The following ABCA9 variants were observed in gnomAD, a reference collection of about 807,000 sequenced individuals.
ABCA9 encodes ATP-binding cassette sub-family A member 9.
Under a neutral mutation model 205.3 loss-of-function variants are expected in ABCA9, and 183 were observed. That is an observed-to-expected ratio of 0.89 (90% CI 0.79 to 1.01). The LOEUF (loss-of-function observed/expected upper bound fraction) is 1.01. ABCA9 is among the 50% of genes least tolerant of loss of function. The pLI, the probability that ABCA9 is intolerant of heterozygous loss-of-function variation, is 0.00. For synonymous variants in ABCA9, 651 were observed against 683.3 expected (o/e 0.95, Z 0.74); for missense variants, 1,805 against 1,912.4 (o/e 0.94, Z 1.05).
intron 19 of ABCA9, among the ~76,000 whole-genome samples, chr17:69,019,577 A>G (rs899178109): frequency 6.6e-6 from 1 of 152,096 alleles, no homozygotes; most frequent in African/African-American, 2.4e-5. Context: ...GTTATTTACT[A>G]TATGTCTAAT....
At chr17:69,058,985 A>G (rs767449686) in intron 1 of ABCA9, among the ~76,000 whole-genome samples, 37 of 152,162 alleles carry the variant, frequency 2.4e-4, no homozygotes, top group Non-Finnish European at 4.3e-4. Context: ...GTGCCAGGCA[A>G]GAGAGCTTGG....
In ABCA9 at chr17:69,012,008, A is replaced by G; in HGVS notation, c.3115T>C (p.Tyr1039His). 1 of 1,613,026 alleles carries G rather than the reference A, an allele frequency of 6.2e-7. No individual in the cohort carries two copies. Among genetic ancestry groups the G allele is most frequent in the Non-Finnish European group, 8.5e-7 (1 of 1,179,450 alleles). ...WIPMAASFTP[Y>H]IAMSSIGDYK... The stretch of plus-strand genomic sequence containing the variant: ...TCACCAATGCTGCTCATTGCAATGT[A>G]TGGAGTGAAAGAGGCTGCCATCGGT... Residue 1039 changes from tyrosine (Y) to histidine (H), a missense_variant, in exon 23 of 39, where the codon TAC becomes CAC. Tyr to His is a moderately conservative substitution (Grantham distance 83, BLOSUM62 2). Transcript: ENST00000340001.
At chr17:69,024,458 A>G in intron 16 of ABCA9, 105 bp from the exon 17 acceptor site, 1 of 1,122,924 alleles carries the variant, frequency 8.9e-7, no homozygotes, top group Non-Finnish European at 1.2e-6. Flanking sequence ...TTTATGAGAC[A>G]AAAAAATGTG....
At chr17:69,041,675 G>A (rs1231493743) in intron 6 of ABCA9, among the ~76,000 whole-genome samples, 1 of 151,006 alleles carries the variant, frequency 6.6e-6, no homozygotes, top group African/African-American at 2.4e-5. Flanking sequence ...CTGCACTCCA[G>A]CCTGGGTGAC....
At chr17:68,987,712 G>A (rs1405771819) in intron 31 of ABCA9, among the ~76,000 whole-genome samples, 1 of 152,028 alleles carries the variant, frequency 6.6e-6, no homozygotes, top group Admixed American at 6.5e-5. Context: ...GTTGTACATG[G>A]GAGATTGACA....
upstream of ABCA9, chr17:69,061,036 A>G (rs796446070): frequency 4.1e-6 from 4 of 985,432 alleles, no homozygotes; most frequent in African/African-American, 5.2e-5. Context: ...ATCTGGTCTC[A>G]GTTCAGCTAG....
chr17:69,015,332 A>G (rs1355480990), intron 22 of ABCA9, among the ~76,000 whole-genome samples: 2 of 152,166 alleles, frequency 1.3e-5, no homozygotes, highest in Non-Finnish European at 2.9e-5. Flanking sequence ...AAGAAGCTAT[A>G]GAATATGGCC....
chr17:69,044,568 A>C lies in ABCA9; in HGVS notation c.502T>G (p.Cys168Gly). Reference protein sequence around the residue: ...HCQAVNEKMKCEGSEFWEKGF... With the variant: ...HCQAVNEKMKGEGSEFWEKGF... ...TTCTCCCAGAACTCTGAACCTTCACACTTCATTTTTTCATTCACTGCTTGA... is the reference window on the plus strand; with the variant it reads ...TTCTCCCAGAACTCTGAACCTTCACCCTTCATTTTTTCATTCACTGCTTGA... The change falls in exon 5 of 39, where the codon TGT becomes GGT. Residue 168 changes from cysteine to glycine, a missense_variant. Physicochemically the swap from Cys to Gly is radical, Grantham distance 159. Coordinates refer to ENST00000340001, the MANE Select transcript of ABCA9 (RefSeq NM_080283.4). The C allele has an allele frequency of 6.2e-7, 1 of 1,613,198 alleles. No homozygotes were observed. Among genetic ancestry groups the C allele is most frequent in the Non-Finnish European group, 8.5e-7 (1 of 1,179,544 alleles).
rs746905261 is a variant in ABCA9, at chr17:69,011,958, G to T, written c.3147+18C>A. The T allele has an allele frequency of 1.3e-6, 2 of 1,565,628 alleles. No homozygotes were observed. The highest frequency in any genetic ancestry group is 1.2e-5 in the South Asian group (1 of 86,842). On this transcript the variant is annotated intron_variant, in intron 23 of 38. Coordinates refer to ENST00000340001, the MANE Select transcript of ABCA9 (RefSeq NM_080283.4). Reference sequence around the variant, plus strand: ...TCTCTAGATATAAAAAACATGTGAAGACTTTAACTCTTCTTACTTTGTAGT... The same window carrying T: ...TCTCTAGATATAAAAAACATGTGAATACTTTAACTCTTCTTACTTTGTAGT...
At chr17:69,003,763 C>T (rs1156623703) in intron 25 of ABCA9, among the ~76,000 whole-genome samples, 5 of 151,964 alleles carry the variant, frequency 3.3e-5, no homozygotes, top group East Asian at 1.9e-4. Context: ...ACCAATCAGA[C>T]GTAGATTTGG....
chr17:69,020,200 C>A (rs1294461430), intron 19 of ABCA9, among the ~76,000 whole-genome samples, 188 bp downstream of exon 19: 1 of 152,066 alleles, frequency 6.6e-6, no homozygotes, highest in Non-Finnish European at 1.5e-5. Context: ...CAATCCCAAC[C>A]CGTATCTGTT....
At chr17:69,063,599 TTTTGTG>T (rs1383165070), upstream of ABCA9, among the ~76,000 whole-genome samples, 20 of 152,234 alleles carry the variant, frequency 1.3e-4, no homozygotes, top group East Asian at 3.1e-3. Context: ...TTTTGTTTTG[TTTTGTG>T]TTTGTTTTTT....
intron 3 of ABCA9, among the ~76,000 whole-genome samples, chr17:69,048,094 G>A (rs2071779856): frequency 6.6e-6 from 1 of 152,138 alleles, no homozygotes; most frequent in South Asian, 2.1e-4. Context: ...TAGATCTTGT[G>A]AGAACTCACT....
chr17:69,029,229 T>C lies in ABCA9; in HGVS notation c.1446-2A>G. ...TATTCTTTTTTAAGATTTTTGATTC[T>C]GAAAAAAAGAGGGAAATGTTTTCAG... is the stretch of plus-strand genomic sequence containing the variant. On this transcript the variant is annotated splice_acceptor_variant, in intron 10 of 38. Coordinates refer to ENST00000340001, the MANE Select transcript of ABCA9 (RefSeq NM_080283.4). LOFTEE classifies it high-confidence loss of function. 6.5e-7 allele frequency: 1 copy of C among 1,546,950 alleles called. No homozygotes were observed. Among genetic ancestry groups the C allele is most frequent in the Non-Finnish European group, 8.8e-7 (1 of 1,131,586 alleles).
intron 11 of ABCA9, 141 bp from the exon 12 acceptor site, chr17:69,028,786 A>C: frequency 2.1e-6 from 1 of 482,440 alleles, no homozygotes; most frequent in Non-Finnish European, 3.5e-6. Flanking sequence ...TCTTTCTTTT[A>C]AAACTGTATT....
chr17:69,009,357 C>T (rs370470984), intron 23 of ABCA9, among the ~76,000 whole-genome samples: 2 of 151,982 alleles, frequency 1.3e-5, no homozygotes, highest in Non-Finnish European at 1.5e-5. Context: ...TCTGGGTGAC[C>T]GGTCAGAAAG....
intron 28 of ABCA9, among the ~76,000 whole-genome samples, chr17:68,991,724 T>C (rs1351785865): frequency 6.6e-6 from 1 of 152,212 alleles, no homozygotes; most frequent in African/African-American, 2.4e-5. Flanking sequence ...TCCTATACTT[T>C]TCTGTTTCAA....
chr17:68,983,330 A>C (rs1006959496), intron 36 of ABCA9, among the ~76,000 whole-genome samples: 1 of 152,214 alleles, frequency 6.6e-6, no homozygotes, highest in Non-Finnish European at 1.5e-5. Flanking sequence ...AGAAATGTTA[A>C]GAGACACCAT....
intron 22 of ABCA9, among the ~76,000 whole-genome samples, chr17:69,014,744 T>C (rs975232530): frequency 7.9e-5 from 12 of 152,112 alleles, no homozygotes; most frequent in African/African-American, 2.7e-4. Context: ...ACAGCTCTCA[T>C]AGCTCTTTCT....
Sources: gnomAD v4.1 joint callset for allele counts (sites outside exome capture counted in the v4.1 genomes callset) on GRCh38, gnomAD v4.1.1 for gene constraint, MANE v1.5 for transcripts, NCBI Gene and HGNC (gene_info 2026-07-23, HGNC 2026-07-21) for gene names.